SKP2: variants seen among roughly 807,000 people sequenced by gnomAD.
SKP2 encodes S-phase kinase-associated protein 2.
SKP2 carries 16 observed loss-of-function variants against 51.8 expected under a neutral mutation model. The observed-to-expected ratio is 0.31, with a 90% CI of 0.21 to 0.47. The LOEUF is 0.47. Among genes scored for constraint, SKP2 ranks in the 20% least tolerant of loss-of-function variants. The pLI, the probability that SKP2 is intolerant of heterozygous loss-of-function variation, is 1.00. For missense variants in SKP2, 377 were observed against 505.3 expected (o/e 0.75, Z 2.43); for synonymous variants, 176 against 198.6 (o/e 0.89, Z 0.96).
At chr5:36,157,861 A>G (rs33679) in intron 2 of SKP2, among the ~76,000 whole-genome samples, 131,371 of 152,180 alleles carry the variant, frequency 0.86, 57,471 homozygotes, top group Non-Finnish European at 0.94. Flanking sequence ...GTGGAGTGAT[A>G]TTCTGAGAAA....
Position 36,153,039 on chromosome 5 carries a change from C to A in SKP2, c.277C>A (p.Pro93Thr), listed in dbSNP as rs1744800953. 1 of 1,613,494 alleles carries A rather than the reference C, an allele frequency of 6.2e-7. No individual in the cohort carries two copies. The highest frequency in any genetic ancestry group is 1.3e-5 in the African/African-American group (1 of 74,864). Residue 93 changes from proline (P) to threonine (T), a missense_variant, in exon 2 of 10, where the codon CCA (proline) becomes ACA (threonine). By Grantham distance (38) the Pro-to-Thr change is conservative. This residue lies in a region of SKP2 where 115 missense variants were observed against 115.5 expected (regional missense o/e 1.00). Transcript: ENST00000274255. The stretch of plus-strand genomic sequence containing the variant: ...GCCTAAGCTAAATCGAGAGAACTTT[C>A]CAGGTAAGGACATGAGGGTAAAAAT... ...RRPKLNRENFPGVSWDSLPDE... is the reference protein window; with the variant it reads ...RRPKLNRENFTGVSWDSLPDE...
chr5:36,156,318 C>G (rs1181518947), intron 2 of SKP2, among the ~76,000 whole-genome samples: 1 of 152,166 alleles, frequency 6.6e-6, no homozygotes, highest in Non-Finnish European at 1.5e-5. Context: ...GTTGTCAGGA[C>G]AGGTGGCTAC....
rs1431012448 is a variant in SKP2 at position 36,183,054 on chromosome 5, A to G, written c.*1023A>G. On this transcript the variant is annotated 3_prime_UTR_variant, in exon 10 of 10. Transcript: ENST00000274255. ...TTTGAAACTATCCATATATAAGGTT[A>G]TCAGACCTACAGTTCCCTAAGAGGA... 3.1e-6 allele frequency: 3 copies of G among 972,816 alleles called. 1 individual carries two copies. The Admixed American group carries it at 1.8e-4, about 60-fold the overall frequency. 60.3% of individuals were successfully genotyped at this position (972,816 alleles called of 1,614,324 possible).
intron 6 of SKP2, among the ~76,000 whole-genome samples, chr5:36,189,859 G>A (rs1237569032): frequency 1.3e-5 from 2 of 152,180 alleles, no homozygotes; most frequent in African/African-American, 4.8e-5. Flanking sequence ...GAGCTGCAGT[G>A]GGCTCCACCC....
At chr5:36,173,342 A>G (rs757798445) in intron 7 of SKP2, among the ~76,000 whole-genome samples, 1 of 152,194 alleles carries the variant, frequency 6.6e-6, no homozygotes, top group Non-Finnish European at 1.5e-5. Context: ...TGGGTCCAGC[A>G]TTAAGTACTA....
chr5:36,164,423 A>G (rs1379061250), intron 3 of SKP2, among the ~76,000 whole-genome samples: 1 of 152,216 alleles, frequency 6.6e-6, no homozygotes, highest in Non-Finnish European at 1.5e-5. Context: ...GAAAGGCAAT[A>G]ACAGGCCTGG....
intron 2 of SKP2, among the ~76,000 whole-genome samples, chr5:36,153,635 C>T (rs1158512631): frequency 6.6e-6 from 1 of 152,080 alleles, no homozygotes; most frequent in African/African-American, 2.4e-5. Context: ...AGTCATTCAT[C>T]GCATCTTTCC....
Position 36,152,241 on chromosome 5 carries a change from A to AGGC in SKP2, c.-22_-21insGGC. Reference sequence around the variant, plus strand: ...CTCTGCAGTTAATGCACGTATTTTAAACTCCCGGGCCTGCGGACGCTATGC... The same window carrying AGGC: ...CTCTGCAGTTAATGCACGTATTTTAAGGCACTCCCGGGCCTGCGGACGCTATGC... On this transcript the variant is annotated 5_prime_UTR_variant, in exon 1 of 10. Coordinates refer to ENST00000274255, the MANE Select transcript of SKP2 (RefSeq NM_005983.4). The AGGC allele has an allele frequency of 6.2e-7, 1 of 1,613,752 alleles. No homozygotes were observed. The highest frequency in any genetic ancestry group is 1.1e-5 in the South Asian group (1 of 91,076).
At chr5:36,185,952 T>G (rs551106967), downstream of SKP2, among the ~76,000 whole-genome samples, 96 of 152,310 alleles carry the variant, frequency 6.3e-4, no homozygotes, top group African/African-American at 2.2e-3. Flanking sequence ...GTAACTCTCC[T>G]TGAAGAGGTC....
At chr5:36,191,626 T>G (rs1294692618) in intron 6 of SKP2, among the ~76,000 whole-genome samples, 1 of 152,006 alleles carries the variant, frequency 6.6e-6, no homozygotes, top group African/African-American at 2.4e-5. Flanking sequence ...CAATTACACT[T>G]CAACATTTAT....
chr5:36,153,605 C>T (rs1032278653), intron 2 of SKP2, among the ~76,000 whole-genome samples: 2 of 152,044 alleles, frequency 1.3e-5, no homozygotes, highest in African/African-American at 4.8e-5. Context: ...CAGTCAGCTT[C>T]CCACCGCCCC....
rs757214435 is a variant in SKP2, at chr5:36,184,048, T to C, written c.*2017T>C. On this transcript the variant is annotated 3_prime_UTR_variant, in exon 10 of 10. Coordinates refer to ENST00000274255, the MANE Select transcript of SKP2 (RefSeq NM_005983.4). ...ATAAAAATGAGTGCTTAAACTAAGT[T>C]GTATTCCTTTTTTCTTTCTCTTTTT... The C allele has an allele frequency of 9.4e-7, 1 of 1,062,192 alleles. No individual in the cohort carries two copies. Among genetic ancestry groups the C allele is most frequent in the Admixed American group, 2.4e-5 (1 of 42,132 alleles). 65.8% of individuals were successfully genotyped at this position (1,062,192 alleles called of 1,614,324 possible). A position where few individuals can be genotyped will look rare whatever the true frequency, so the allele number is the denominator to read the frequency against.
Position 36,183,521 on chromosome 5 carries a change from C to T in SKP2, c.*1490C>T. The T allele has an allele frequency of 1.3e-6, 1 of 785,368 alleles. No homozygotes were observed. Among genetic ancestry groups the T allele is most frequent in the Non-Finnish European group, 1.6e-6 (1 of 644,950 alleles). 48.6% of individuals were successfully genotyped at this position (785,368 alleles called of 1,614,324 possible). A position where few individuals can be genotyped will look rare whatever the true frequency, so the allele number is the denominator to read the frequency against. On this transcript the variant is annotated 3_prime_UTR_variant, in exon 10 of 10. Coordinates refer to ENST00000274255, the MANE Select transcript of SKP2 (RefSeq NM_005983.4). ...TGACCTCATGATCCGCCCGTCTTGG[C>T]CTCCCAAAGTGCTGGGATTACAGGC... is the stretch of plus-strand genomic sequence containing the variant.
downstream of SKP2, among the ~76,000 whole-genome samples, chr5:36,185,196 C>T (rs79146178): frequency 0.012 from 1,852 of 152,192 alleles, 156 homozygotes; most frequent in East Asian, 0.21. Flanking sequence ...AAATTTTCTC[C>T]CATAGTGTAG....
rs778610305 is a variant in SKP2 at position 36,177,023 on chromosome 5, TTTTA to T, written c.953+11_953+14del. The T allele has an allele frequency of 6.4e-7, 1 of 1,568,132 alleles. No individual in the cohort carries two copies. The highest frequency in any genetic ancestry group is 1.1e-5 in the South Asian group (1 of 88,470). ...TTGTCCATCTAGACTTAAGGTATTT[TTTTA>T]TTTGTTTATTTTAGATCAAAAGTTG... On this transcript the variant is annotated splice_region_variant and intron_variant, in intron 8 of 9. Transcript: ENST00000274255.
chr5:36,156,708 A>G (rs937994793), intron 2 of SKP2, among the ~76,000 whole-genome samples: 7 of 152,140 alleles, frequency 4.6e-5, no homozygotes, highest in African/African-American at 1.4e-4. Context: ...GAGGTGAACT[A>G]ATTTGTTGAT....
chr5:36,182,491 G>C lies in SKP2; in HGVS notation c.*460G>C, dbSNP rs927803308. 1.1e-4 allele frequency: 107 copies of C among 987,580 alleles called. No individual in the cohort carries two copies. Among genetic ancestry groups the C allele is most frequent in the Non-Finnish European group, 1.3e-4 (105 of 831,210 alleles). The allele number at this position is 987,580 out of a possible 1,614,324, so 61.2% of individuals were successfully genotyped here. ...ATTTGTATTATGAGCTGAACAAAAAGAGAATCATAGGATAGTAGCGTCTGA... is the reference window on the plus strand; with the variant it reads ...ATTTGTATTATGAGCTGAACAAAAACAGAATCATAGGATAGTAGCGTCTGA... On this transcript the variant is annotated 3_prime_UTR_variant, in exon 10 of 10. Coordinates refer to ENST00000274255, the MANE Select transcript of SKP2 (RefSeq NM_005983.4).
chr5:36,177,089 A>T, intron 8 of SKP2, 73 bp downstream of exon 8: 1 of 1,337,988 alleles, frequency 7.5e-7, no homozygotes, highest in Non-Finnish European at 1.1e-6. Flanking sequence ...GGAAAGGATC[A>T]TAATGTTGAA....
At chr5:36,191,354 A>T (rs1195383013) in intron 6 of SKP2, among the ~76,000 whole-genome samples, 1 of 152,160 alleles carries the variant, frequency 6.6e-6, no homozygotes, top group East Asian at 1.9e-4. Context: ...ACAAAATGTC[A>T]ATAGTGTCAG....
Sources: allele counts gnomAD v4.1 joint callset (sites outside exome capture counted in the v4.1 genomes callset), GRCh38; gene constraint gnomAD v4.1.1; regional missense constraint gnomAD v4.1.1; transcripts MANE v1.5; gene names NCBI Gene and HGNC (gene_info 2026-07-23, HGNC 2026-07-21).